Variants in MECOM observed in about 807,000 individuals in gnomAD.
The protein encoded by MECOM is MDS1 and EVI1 complex locus, also known as histone-lysine N-methyltransferase MECOM.
A neutral mutation model predicts 116.3 loss-of-function variants in MECOM; 13 were observed. The ratio of observed to expected loss-of-function variants is 0.11; its 90% CI spans 0.07 to 0.18. The LOEUF (loss-of-function observed/expected upper bound fraction) is 0.18, where lower values mean the gene tolerates loss of function less well. Among genes scored for constraint, MECOM ranks in the 10% least tolerant of loss-of-function variants. MECOM has a pLI of 1.00. For synonymous variants in MECOM, 528 were observed against 535.2 expected (o/e 0.99, Z 0.19); for missense variants, 1,299 against 1,509.0 (o/e 0.86, Z 2.31).
chr3:169,131,509 T>G lies in MECOM; in HGVS notation c.533A>C (p.Asp178Ala). The G allele has an allele frequency of 6.2e-7, 1 of 1,613,566 alleles. No individual in the cohort carries two copies. Among genetic ancestry groups the G allele is most frequent in the Non-Finnish European group, 8.5e-7 (1 of 1,179,844 alleles). ...CAGAAGCTCCTCTCCCGGCGCAATG[T>G]CTGCAACTACTCTATAGAATATCTT... Reference protein sequence around the residue: ...NDQIFYRVVADIAPGEELLLF... With the variant: ...NDQIFYRVVAAIAPGEELLLF... Residue 178 changes from aspartate to alanine, a missense_variant, in exon 4 of 17, where the codon GAC (aspartate) becomes GCC (alanine). By Grantham distance (126) the Asp-to-Ala change is moderately radical. This residue lies in a region of MECOM where 374 missense variants were observed against 433.4 expected (regional missense o/e 0.86). Coordinates refer to ENST00000651503, the MANE Select transcript of MECOM (RefSeq NM_004991.4).
At chr3:169,360,333 A>AG (rs1326973544) in intron 2 of MECOM, among the ~76,000 whole-genome samples, 62 of 144,054 alleles carry the variant, frequency 4.3e-4, no homozygotes, top group African/African-American at 1.2e-3. Context: ...AAAAAAAAAG[A>AG]AAAAAAAAAA....
At chr3:169,150,636 G>A (rs1741030963) in intron 2 of MECOM, among the ~76,000 whole-genome samples, 2 of 151,948 alleles carry the variant, frequency 1.3e-5, no homozygotes, top group African/African-American at 4.8e-5. Flanking sequence ...TAGCTTCGGG[G>A]AAAGAAAAAA....
At chr3:169,277,262 A>C (rs1382410598) in intron 2 of MECOM, among the ~76,000 whole-genome samples, 1 of 151,956 alleles carries the variant, frequency 6.6e-6, no homozygotes, top group African/African-American at 2.4e-5. Context: ...TTTCTTCTTG[A>C]CTCCGTAAGC....
chr3:169,307,899 A>C (rs1348127240), intron 2 of MECOM, among the ~76,000 whole-genome samples: 3 of 151,728 alleles, frequency 2.0e-5, no homozygotes, highest in African/African-American at 7.3e-5. Flanking sequence ...CTCCACTCTC[A>C]TTTCCTTTCA....
intron 2 of MECOM, among the ~76,000 whole-genome samples, chr3:169,170,403 C>CAA (rs71634426): frequency 3.5e-4 from 26 of 74,342 alleles, no homozygotes; most frequent in South Asian, 1.0e-3. Flanking sequence ...AAGACTCTGT[C>CAA]AAAAAAAAAA....
chr3:169,528,885 CTGG>C (rs1175349917), intron 1 of MECOM, among the ~76,000 whole-genome samples: 6 of 152,184 alleles, frequency 3.9e-5, no homozygotes, highest in Admixed American at 2.0e-4. Context: ...ATGGCTTTCT[CTGG>C]TACCTCTAAC....
rs1030042302 is a variant in MECOM at position 169,116,132 on chromosome 3, A to C, written c.1740T>G (p.Ser580Arg). 2 of 1,614,020 alleles carry C rather than the reference A, an allele frequency of 1.2e-6. No individual in the cohort carries two copies. The highest frequency in any genetic ancestry group is 2.7e-5 in the African/African-American group (2 of 74,896). The change falls in exon 8 of 17, where the codon AGT (serine) becomes AGG (arginine). Residue 580 changes from serine to arginine, a missense_variant. By Grantham distance (110) the Ser-to-Arg change is moderately radical (BLOSUM62 -1). Coordinates refer to ENST00000651503, the MANE Select transcript of MECOM (RefSeq NM_004991.4). ...FEKISDQSES[S>R]DLDDVSTPSG... is the part of the protein sequence containing the mutation. ...TTGGTGTACTGACATCATCAAGGTCACTACTCTCTGACTGGTCACTGATTT... is the reference window on the plus strand; with the variant it reads ...TTGGTGTACTGACATCATCAAGGTCCCTACTCTCTGACTGGTCACTGATTT...
At chr3:169,623,420 A>G (rs1352578277) in intron 1 of MECOM, among the ~76,000 whole-genome samples, 3 of 152,264 alleles carry the variant, frequency 2.0e-5, no homozygotes, top group South Asian at 2.1e-4. Flanking sequence ...TGAACAAGCA[A>G]TTAATCAATT....
chr3:169,576,219 T>C (rs1346569126), intron 1 of MECOM, among the ~76,000 whole-genome samples: 1 of 152,158 alleles, frequency 6.6e-6, no homozygotes, highest in Non-Finnish European at 1.5e-5. Context: ...AAACAGTATG[T>C]CATTCCTTTC....
chr3:169,594,538 G>T (rs1179422936), intron 1 of MECOM, among the ~76,000 whole-genome samples: 2 of 151,826 alleles, frequency 1.3e-5, no homozygotes, highest in Non-Finnish European at 2.9e-5. Context: ...TCCGATACAG[G>T]CTACAGTTCG....
At chr3:169,388,159 A>G (rs1733672775) in intron 1 of MECOM, among the ~76,000 whole-genome samples, 1 of 152,100 alleles carries the variant, frequency 6.6e-6, no homozygotes, top group Admixed American at 6.6e-5. Flanking sequence ...GGACGTGAGC[A>G]CATGAGCACA....
In MECOM at chr3:169,523,120, C is replaced by T. The variant is rs374618713; in HGVS notation, c.37+140216G>A. ...TTTCTTTTTATAGAAAATGAACAAA[C>T]AAAATGTGATGATGAATATATTAAG... On this transcript the variant is annotated intron_variant, in intron 1 of 16. Transcript: ENST00000651503. Among the ~76,000 whole-genome samples, 10 of 152,058 alleles carry T rather than the reference C, an allele frequency of 6.6e-5. 1 individual carries two copies. The highest frequency in any genetic ancestry group is 5.9e-4 in the Admixed American group (9 of 15,268).
rs904251161 is a variant in MECOM at position 169,651,591 on chromosome 3, T to A, written c.37+11745A>T. 3.6e-4 allele frequency among the ~76,000 whole-genome samples: 54 copies of A among 152,046 alleles called. 2 individuals are homozygous for A. The highest frequency in any genetic ancestry group is 3.3e-3 in the Admixed American group (50 of 15,264). On this transcript the variant is annotated intron_variant, in intron 1 of 16. Coordinates refer to ENST00000651503, the MANE Select transcript of MECOM (RefSeq NM_004991.4). ...TCTCGCTGATATATGGGAGCTAAGC[T>A]ATGGGGATGCAAAGGCATAAGAATG...
chr3:169,589,848 T>C (rs764807211), intron 1 of MECOM, among the ~76,000 whole-genome samples: 3 of 152,218 alleles, frequency 2.0e-5, no homozygotes, highest in South Asian at 2.1e-4. Flanking sequence ...TCAAATCACA[T>C]GCAATTTCTG....
intron 1 of MECOM, among the ~76,000 whole-genome samples, chr3:169,389,953 T>C (rs1180326693): frequency 6.6e-6 from 1 of 152,150 alleles, no homozygotes; most frequent in Non-Finnish European, 1.5e-5. Flanking sequence ...CAGGAAGGTA[T>C]AGAGAATATT....
intron 1 of MECOM, among the ~76,000 whole-genome samples, chr3:169,625,203 G>A (rs189051289): frequency 2.6e-5 from 4 of 152,198 alleles, no homozygotes; most frequent in African/African-American, 9.6e-5. Flanking sequence ...TTATTTCTTA[G>A]AAGAACAATG....
chr3:169,537,619 C>T (rs1222235309), intron 1 of MECOM, among the ~76,000 whole-genome samples: 2 of 151,830 alleles, frequency 1.3e-5, no homozygotes, highest in East Asian at 1.9e-4. Context: ...ACAATTTTAA[C>T]GGTCATCCCC....
chr3:169,109,932 T>C (rs1457224758), intron 9 of MECOM, among the ~76,000 whole-genome samples: 2 of 152,170 alleles, frequency 1.3e-5, no homozygotes, highest in African/African-American at 4.8e-5. Flanking sequence ...AATACCACTA[T>C]GAAGCATCCT....
At chr3:169,277,612 A>T (rs1353281710) in intron 2 of MECOM, among the ~76,000 whole-genome samples, 1 of 152,134 alleles carries the variant, frequency 6.6e-6, no homozygotes, top group Non-Finnish European at 1.5e-5. Context: ...TATTATTTCC[A>T]CATTGCCTAA....
Sources: allele counts gnomAD v4.1 joint callset (sites outside exome capture counted in the v4.1 genomes callset), GRCh38; gene constraint gnomAD v4.1.1; regional missense constraint gnomAD v4.1.1; transcripts MANE v1.5; gene names NCBI Gene and HGNC (gene_info 2026-07-23, HGNC 2026-07-21).